ARFGEF1: variants seen among roughly 807,000 people sequenced by gnomAD.
ARFGEF1 encodes brefeldin A-inhibited guanine nucleotide-exchange protein 1.
ARFGEF1 carries 42 observed loss-of-function variants against 231.0 expected under a neutral mutation model. The observed-to-expected ratio is 0.18, with a 90% CI of 0.14 to 0.24. The LOEUF is 0.24. ARFGEF1 is among the 10% of genes least tolerant of loss of function. The pLI, the probability that ARFGEF1 is intolerant of heterozygous loss-of-function variation, is 1.00. For synonymous variants in ARFGEF1, 710 were observed against 732.3 expected, an observed-to-expected ratio of 0.97 and a Z score of 0.49; for missense variants, 1,345 against 2,192.0, an observed-to-expected ratio of 0.61 and a Z score of 7.72.
chr8:67,179,709 A>G (rs1186122648), intron 5 of ARFGEF1, among the ~76,000 whole-genome samples: 4 of 152,024 alleles, frequency 2.6e-5, no homozygotes, highest in Non-Finnish European at 4.4e-5. Flanking sequence ...GCTTTCCAGT[A>G]TTTTCTGAGC....
At chr8:67,342,133 T>G (rs1372338487) in intron 1 of ARFGEF1, among the ~76,000 whole-genome samples, 1 of 152,222 alleles carries the variant, frequency 6.6e-6, no homozygotes, top group Admixed American at 6.5e-5. Context: ...AGCTTCCTTT[T>G]CTTGCCAATT....
intron 36 of ARFGEF1, 23 bp downstream of exon 36, chr8:67,203,060 A>C: frequency 1.2e-6 from 2 of 1,600,968 alleles, no homozygotes; most frequent in Non-Finnish European, 1.7e-6. Flanking sequence ...GTAAACATTA[A>C]ATGTGAGGCG....
intron 5 of ARFGEF1, chr8:67,177,802 T>A: frequency 9.8e-7 from 1 of 1,023,916 alleles, no homozygotes; most frequent in Non-Finnish European, 1.5e-6. Flanking sequence ...GATCAAGTAA[T>A]TCAAATTTTG....
At chr8:67,195,510 GAGC>G, downstream of ARFGEF1, 1 of 1,614,206 alleles carries the variant, frequency 6.2e-7, no homozygotes, top group Non-Finnish European at 8.5e-7. Flanking sequence ...TTTCATGGCA[GAGC>G]AGCTGAACCA....
In ARFGEF1 at chr8:67,217,689, A is replaced by T. The variant is rs1838984907; in HGVS notation, c.4613+93T>A. On this transcript the variant is annotated intron_variant, in intron 32 of 38. Transcript: ENST00000262215. ...CTTAAAAGGATTTCTGTTATGAGAA[A>T]TCAGTAGTCACTATCAAACTTTTAA... 6 of 1,334,220 alleles carry T rather than the reference A, an allele frequency of 4.5e-6. No homozygotes were observed. In the Admixed American group the frequency reaches 6.4e-5, roughly 14 times the overall value. The allele number at this position is 1,334,220 out of a possible 1,614,324, so 82.6% of individuals were successfully genotyped here.
chr8:67,190,872 A>G (rs1451057685), intron 5 of ARFGEF1: 5 of 729,016 alleles, frequency 6.9e-6, no homozygotes, highest in South Asian at 3.3e-5. Flanking sequence ...AAATTCAGAC[A>G]TGGGTCTGAA....
chr8:67,301,076 G>A (rs2128915284), intron 3 of ARFGEF1, 148 bp downstream of exon 3: 1 of 699,592 alleles, frequency 1.4e-6, no homozygotes, highest in Middle Eastern at 2.7e-4. Context: ...ATTATTATCT[G>A]TCTTAAATAT....
intron 10 of ARFGEF1, 120 bp downstream of exon 10, chr8:67,271,582 T>C: frequency 2.7e-6 from 2 of 748,498 alleles, no homozygotes; most frequent in Non-Finnish European, 4.3e-6. Context: ...AAAAAATAAG[T>C]GCATGGCAAT....
At chr8:67,274,039 G>C (rs1805210714) in intron 9 of ARFGEF1, among the ~76,000 whole-genome samples, 1 of 151,988 alleles carries the variant, frequency 6.6e-6, no homozygotes, top group South Asian at 2.1e-4. Flanking sequence ...AAAATTAATG[G>C]ACTTATTCTT....
intron 10 of ARFGEF1, among the ~76,000 whole-genome samples, chr8:67,267,864 A>C (rs1223157338): frequency 6.6e-6 from 1 of 152,188 alleles, no homozygotes; most frequent in Non-Finnish European, 1.5e-5. Flanking sequence ...TCGTAGATTT[A>C]AATGTAACTG....
chr8:67,237,367 C>T lies in ARFGEF1; in HGVS notation c.3289+976G>A, dbSNP rs185380537. ...ATTGCTAGCTGCTTCAGTTGATTAC[C>T]ACTGGGAATTAGTTTTCCCCAGTCC... On this transcript the variant is annotated intron_variant, in intron 22 of 38. Transcript: ENST00000262215. Among the ~76,000 whole-genome samples the T allele has an allele frequency of 4.7e-3, 717 of 152,304 alleles. 4 individuals carry two copies. The highest frequency in any genetic ancestry group is 8.3e-3 in the Non-Finnish European group (563 of 68,026).
intron 20 of ARFGEF1, among the ~76,000 whole-genome samples, 183 bp from the exon 21 acceptor site, chr8:67,239,076 G>C (rs531722316): frequency 6.6e-6 from 1 of 151,378 alleles, no homozygotes; most frequent in Non-Finnish European, 1.5e-5. Context: ...GCGCAATCTC[G>C]GCTCACTGCG....
intron 5 of ARFGEF1, among the ~76,000 whole-genome samples, chr8:67,187,204 A>G (rs1834916048): frequency 6.6e-6 from 1 of 152,246 alleles, no homozygotes; most frequent in Non-Finnish European, 1.5e-5. Flanking sequence ...TATTATGTGG[A>G]TAACAACAAA....
intron 1 of ARFGEF1, among the ~76,000 whole-genome samples, chr8:67,314,157 A>G (rs184351358): frequency 4.6e-4 from 70 of 152,336 alleles, no homozygotes; most frequent in African/African-American, 1.7e-3. Context: ...GGTGAAGCGC[A>G]AAAGGAGCTT....
chr8:67,335,171 T>A (rs1281907647), intron 1 of ARFGEF1, among the ~76,000 whole-genome samples: 2 of 144,398 alleles, frequency 1.4e-5, no homozygotes, highest in East Asian at 2.1e-4. Context: ...AGTGGCGCAA[T>A]CTCGGCTCAC....
intron 1 of ARFGEF1, among the ~76,000 whole-genome samples, chr8:67,330,881 A>G (rs1338683681): frequency 6.6e-6 from 1 of 152,182 alleles, no homozygotes; most frequent in Non-Finnish European, 1.5e-5. Context: ...AAGCATGGGG[A>G]CCCAACAAAT....
At chr8:67,272,560 T>C (rs16933230) in intron 9 of ARFGEF1, among the ~76,000 whole-genome samples, 2,467 of 152,296 alleles carry the variant, frequency 0.016, 68 homozygotes, top group African/African-American at 0.057. Context: ...AAGATATATG[T>C]TGTGTTCCTT....
At chr8:67,289,304 C>T (rs935161326) in intron 6 of ARFGEF1, among the ~76,000 whole-genome samples, 2 of 151,926 alleles carry the variant, frequency 1.3e-5, no homozygotes, top group African/African-American at 4.8e-5. Flanking sequence ...CCTGTAATCC[C>T]AGCACTTTGG....
intron 5 of ARFGEF1, among the ~76,000 whole-genome samples, chr8:67,183,843 A>ATTTTT (rs918103972): frequency 9.2e-5 from 10 of 108,182 alleles, no homozygotes; most frequent in African/African-American, 2.4e-4. Flanking sequence ...AAAATTGGGA[A>ATTTTT]TTTTTTTTTT....
Sources: allele counts gnomAD v4.1 joint callset (sites outside exome capture counted in the v4.1 genomes callset), GRCh38; gene constraint gnomAD v4.1.1; transcripts MANE v1.5; gene names NCBI Gene and HGNC (gene_info 2026-07-23, HGNC 2026-07-21).